The following MCM3AP variants were observed in gnomAD, a reference collection of about 807,000 sequenced individuals.
MCM3AP encodes the protein minichromosome maintenance complex component 3 associated protein.
In MCM3AP, 126 loss-of-function variants were observed where a neutral mutation model predicts 184.1. The observed-to-expected ratio is 0.68, with a 90% CI of 0.59 to 0.79. MCM3AP has a LOEUF of 0.79. Among genes scored for constraint, MCM3AP ranks in the 30% least tolerant of loss-of-function variants. MCM3AP has a pLI of 0.00. For missense variants in MCM3AP, 2,496 were observed against 2,479.2 expected, an observed-to-expected ratio of 1.01 and a Z score of -0.14; for synonymous variants, 1,002 against 979.3, an observed-to-expected ratio of 1.02 and a Z score of -0.43.
Position 46,243,482 on chromosome 21 carries a change from C to CCG in MCM3AP, c.5278_5279insCG (p.Arg1760ProfsTer10). The CCG allele has an allele frequency of 6.2e-7, 1 of 1,610,492 alleles. No individual in the cohort carries two copies. Among genetic ancestry groups the CCG allele is most frequent in the Non-Finnish European group, 8.5e-7 (1 of 1,177,828 alleles). ...CTAATTACCTGATGTAACAGGAAGC[C>CCG]GGGGGGGCGTCCAGTCTCTCAGCTT... On this transcript the variant is annotated frameshift_variant, in exon 24 of 28. Transcript: ENST00000291688. LOFTEE classifies it high-confidence loss of function.
chr21:46,265,386 G>C lies in MCM3AP; in HGVS notation c.3169C>G (p.Leu1057Val). Residue 1057 changes from leucine (L) to valine (V), a missense_variant, in exon 12 of 28, where the codon CTC (leucine) becomes GTC (valine). Around this residue, in one of 5 missense-constraint regions of MCM3AP, gnomAD observed 1,323 missense variants for 1,273.4 expected, o/e 1.04. Coordinates refer to ENST00000291688, the MANE Select transcript of MCM3AP (RefSeq NM_003906.5). ...LALTPSVAPS[L>V]FQLSVQPEPP... ...TCAGGCTGCACAGACAGCTGGAAGA[G>C]GCTGGGCGCCACAGACGGGGTCAGT... 6.2e-7 allele frequency: 1 copy of C among 1,614,102 alleles called. No individual in the cohort carries two copies. The highest frequency in any genetic ancestry group is 8.5e-7 in the Non-Finnish European group (1 of 1,180,034).
upstream of MCM3AP, chr21:46,285,885 TG>T (rs1229452712): frequency 6.6e-6 from 1 of 152,652 alleles, no homozygotes; most frequent in Admixed American, 6.5e-5. Flanking sequence ...TCGAGCGGGC[TG>T]GAAGGACGAG....
intron 9 of MCM3AP, 170 bp from the exon 10 acceptor site, chr21:46,267,312 G>A (rs970645955): frequency 1.1e-5 from 7 of 618,240 alleles, no homozygotes; most frequent in African/African-American, 1.8e-5. Flanking sequence ...GATCATAGGC[G>A]GTCTGCTCAG....
intron 2 of MCM3AP, 77 bp from the exon 3 acceptor site, chr21:46,280,652 G>A: frequency 1.0e-6 from 1 of 981,512 alleles, no homozygotes; most frequent in Non-Finnish European, 1.6e-6. Flanking sequence ...CTCAAATGCA[G>A]TAAGCACAAC....
intron 26 of MCM3AP, among the ~76,000 whole-genome samples, 165 bp from the exon 27 acceptor site, chr21:46,237,144 C>G (rs1252664963): frequency 6.8e-6 from 1 of 147,240 alleles, no homozygotes; most frequent in East Asian, 2.0e-4. Flanking sequence ...CTCTGTTGCC[C>G]AGGCTGGAGT....
Position 46,259,066 on chromosome 21 carries a change from C to A in MCM3AP, c.3607G>T (p.Val1203Phe), listed in dbSNP as rs762776912. ...LKNAVETDQRVRVARCCEDVC... is the reference protein window; with the variant it reads ...LKNAVETDQRFRVARCCEDVC... ...TCCTCACAGCAACGGGCCACACGGA[C>A]CCTCTGGTCTGTCTCTACTGCATTC... Residue 1203 changes from valine (V) to phenylalanine (F), a missense_variant, in exon 16 of 28, where the codon GTC (valine) becomes TTC (phenylalanine). Physicochemically the swap from Val to Phe is conservative, Grantham distance 50. Coordinates refer to ENST00000291688, the MANE Select transcript of MCM3AP (RefSeq NM_003906.5). 1 of 1,613,668 alleles carries A rather than the reference C, an allele frequency of 6.2e-7. No individual in the cohort carries two copies. The highest frequency in any genetic ancestry group is 1.7e-5 in the Admixed American group (1 of 59,894).
At chr21:46,242,626 G>A in intron 25 of MCM3AP, 176 bp downstream of exon 25, 1 of 521,968 alleles carries the variant, frequency 1.9e-6, no homozygotes, top group East Asian at 3.4e-5. Flanking sequence ...GAAGTGAGAT[G>A]CTTTAACTTT....
rs776271701 is a variant in MCM3AP at position 46,285,189 on chromosome 21, A to G, written c.98T>C (p.Phe33Ser). 2 of 1,614,264 alleles carry G rather than the reference A, an allele frequency of 1.2e-6. No individual in the cohort carries two copies. Among genetic ancestry groups the G allele is most frequent in the Non-Finnish European group, 1.7e-6 (2 of 1,180,054 alleles). Residue 33 changes from phenylalanine to serine, a missense_variant, in exon 1 of 28, where the codon TTT becomes TCT. Coordinates refer to ENST00000291688, the MANE Select transcript of MCM3AP (RefSeq NM_003906.5). ...TTGTCCAAAAAGAGAAGGTTGACCAAATCGAAATGGCGGCTTAGATGGAAG... is the reference window on the plus strand; with the variant it reads ...TTGTCCAAAAAGAGAAGGTTGACCAGATCGAAATGGCGGCTTAGATGGAAG... The part of the protein sequence containing the change: ...GTLPSKPPFR[F>S]GQPSLFGQNS...
At chr21:46,237,043 ATCT>A in intron 26 of MCM3AP, 64 bp from the exon 27 acceptor site, 1 of 922,900 alleles carries the variant, frequency 1.1e-6, no homozygotes, top group Non-Finnish European at 1.5e-6. Context: ...TTGTTCATTA[ATCT>A]TCTATATATA....
chr21:46,236,981 TG>T lies in MCM3AP; in HGVS notation c.5634-3del. On this transcript the variant is annotated splice_region_variant and splice_polypyrimidine_tract_variant and intron_variant, in intron 26 of 27. Coordinates refer to ENST00000291688, the MANE Select transcript of MCM3AP (RefSeq NM_003906.5). ...CATTGCTGAAGCTGATCTTCAAACC[TG>T]AAACAATATGTAATAAATTCAAAAA... is the stretch of plus-strand genomic sequence containing the variant. 6.7e-7 allele frequency: 1 copy of T among 1,503,066 alleles called. No individual in the cohort carries two copies. The highest frequency in any genetic ancestry group is 1.4e-5 in the South Asian group (1 of 71,152). The allele number at this position is 1,503,066 out of a possible 1,614,324, so 93.1% of individuals were successfully genotyped here. A position where few individuals can be genotyped will look rare whatever the true frequency, so the allele number is the denominator to read the frequency against.
chr21:46,260,981 C>A, intron 14 of MCM3AP, 75 bp from the exon 15 acceptor site: 1 of 1,206,002 alleles, frequency 8.3e-7, no homozygotes. Flanking sequence ...TACTCCCTGG[C>A]CACGCAGACA....
chr21:46,272,733 C>G lies in MCM3AP; in HGVS notation c.2293G>C (p.Glu765Gln). Residue 765 changes from glutamate to glutamine, a missense_variant, in exon 8 of 28, where the codon GAG (glutamate) becomes CAG (glutamine). This residue lies in a region of MCM3AP where 105 missense variants were observed against 97.1 expected (regional missense o/e 1.08). Transcript: ENST00000291688. ...HIHCAHFMCE[E>Q]PMSSFDAKIN... ...TTGGCATCAAAGGAGGACATGGGCT[C>G]CTCACACATGAAGTGGGCACAGTGG... is the stretch of plus-strand genomic sequence containing the variant. 6.2e-7 allele frequency: 1 copy of G among 1,614,142 alleles called. No individual in the cohort carries two copies. Among genetic ancestry groups the G allele is most frequent in the Non-Finnish European group, 8.5e-7 (1 of 1,180,020 alleles).
intron 1 of MCM3AP, 73 bp from the exon 2 acceptor site, chr21:46,283,911 CAG>C: frequency 6.4e-7 from 1 of 1,551,164 alleles, no homozygotes; most frequent in Non-Finnish European, 8.8e-7. Flanking sequence ...TGTGTCGAAG[CAG>C]AGGAAATTTT....
chr21:46,272,073 A>G (rs777074534), intron 8 of MCM3AP, among the ~76,000 whole-genome samples: 3 of 152,036 alleles, frequency 2.0e-5, no homozygotes, highest in Non-Finnish European at 4.4e-5. Context: ...CAGACTTCGC[A>G]TGTAAGTGAC....
intron 20 of MCM3AP, among the ~76,000 whole-genome samples, chr21:46,247,481 A>ATTCAAGCAAGTCTCCTGCCTCACCCTCCC (rs6147543): frequency 6.7e-6 from 1 of 149,614 alleles, no homozygotes; most frequent in Admixed American, 6.7e-5. Flanking sequence ...TGCCTCCTGG[A>ATTCAAGCAAGTCTCCTGCCTCACCCTCCC]TAGTAGCTGG....
chr21:46,282,677 C>A (rs62226476), intron 2 of MCM3AP, among the ~76,000 whole-genome samples: 1 of 151,570 alleles, frequency 6.6e-6, no homozygotes, highest in Non-Finnish European at 1.5e-5. Flanking sequence ...TGGTGGCGGG[C>A]GCCTGTAGTT....
At chr21:46,235,871 G>C (rs1038123755) in intron 27 of MCM3AP, among the ~76,000 whole-genome samples, 1 of 152,112 alleles carries the variant, frequency 6.6e-6, no homozygotes, top group Non-Finnish European at 1.5e-5. Context: ...GGACTTAAGC[G>C]ATCCTCCCTC....
Position 46,284,326 on chromosome 21 carries a change from G to A in MCM3AP, c.961C>T (p.Pro321Ser). 1.2e-6 allele frequency: 2 copies of A among 1,614,182 alleles called. No individual in the cohort carries two copies. Among genetic ancestry groups the A allele is most frequent in the Non-Finnish European group, 8.5e-7 (1 of 1,180,028 alleles). The change falls in exon 1 of 28, where the codon CCT becomes TCT. Residue 321 changes from proline (P) to serine (S), a missense_variant. Physicochemically the swap from Pro to Ser is moderately conservative, Grantham distance 74 (BLOSUM62 -1). Around this residue, in one of 5 missense-constraint regions of MCM3AP, gnomAD observed 800 missense variants for 717.1 expected, o/e 1.12. Coordinates refer to ENST00000291688, the MANE Select transcript of MCM3AP (RefSeq NM_003906.5). ...DSDPLSRGDH[P>S]PDKRPVRLNR... Reference sequence around the variant, plus strand: ...AGGCGGACAGGTCGTTTGTCTGGAGGATGATCGCCCCGGGACAGAGGATCC... The same window carrying A: ...AGGCGGACAGGTCGTTTGTCTGGAGAATGATCGCCCCGGGACAGAGGATCC...
At chr21:46,277,306 T>C (rs2081268375) in intron 5 of MCM3AP, among the ~76,000 whole-genome samples, 1 of 152,058 alleles carries the variant, frequency 6.6e-6, no homozygotes, top group Non-Finnish European at 1.5e-5. Flanking sequence ...CCACTACTAT[T>C]TTATACATAC....
Sources: gnomAD v4.1 joint callset for allele counts (sites outside exome capture counted in the v4.1 genomes callset) on GRCh38, gnomAD v4.1.1 for gene constraint, gnomAD v4.1.1 regional missense constraint, MANE v1.5 for transcripts, NCBI Gene and HGNC (gene_info 2026-07-23, HGNC 2026-07-21) for gene names.